NRXN3: variants seen among roughly 807,000 people sequenced by gnomAD.
NRXN3 encodes the protein neurexin III.
NRXN3 carries 32 observed loss-of-function variants against 137.6 expected under a neutral mutation model. That is an observed-to-expected ratio of 0.23 (90% CI 0.18 to 0.31). The LOEUF is 0.31. NRXN3 is among the 10% of genes least tolerant of loss of function. The pLI, the probability that NRXN3 is intolerant of heterozygous loss-of-function variation, is 1.00. For synonymous variants in NRXN3, 798 were observed against 784.5 expected (o/e 1.02, Z -0.29); for missense variants, 1,574 against 2,062.5 (o/e 0.76, Z 4.59).
intron 15 of NRXN3, among the ~76,000 whole-genome samples, chr14:79,076,738 G>A (rs2046042665): frequency 6.6e-6 from 1 of 152,222 alleles, no homozygotes; most frequent in Admixed American, 6.5e-5. Context: ...CCAGGAGGCT[G>A]AGACAGTTGG....
chr14:78,634,180 C>T (rs906580028), intron 4 of NRXN3, among the ~76,000 whole-genome samples: 1 of 152,206 alleles, frequency 6.6e-6, no homozygotes, highest in South Asian at 2.1e-4. Context: ...CTTCCATATC[C>T]CTCAGCTTCC....
intron 15 of NRXN3, among the ~76,000 whole-genome samples, chr14:79,073,466 T>C (rs1312782978): frequency 1.3e-5 from 2 of 152,158 alleles, no homozygotes; most frequent in Non-Finnish European, 2.9e-5. Context: ...AATTACAGAT[T>C]AAATCAGCAT....
rs557844370 is a variant in NRXN3, at chr14:79,740,672, A to T, written c.4014+42735A>T. Among the ~76,000 whole-genome samples, 23 of 131,302 alleles carry T rather than the reference A, an allele frequency of 1.8e-4. No homozygotes were observed. The East Asian group carries it at 3.9e-3, about 22-fold the overall frequency. 86.1% of individuals were successfully genotyped at this position (131,302 alleles called of 152,430 possible). On this transcript the variant is annotated intron_variant, in intron 19 of 20. Transcript: ENST00000335750. ...TTTCTATCCTCTGCTAATGACACTT[A>T]TTAACTACTGCCTTTCCACTGGACT...
At chr14:78,430,863 C>T (rs892466452) in intron 4 of NRXN3, among the ~76,000 whole-genome samples, 6 of 152,184 alleles carry the variant, frequency 3.9e-5, no homozygotes, top group Middle Eastern at 3.4e-3. Context: ...TTTGGGGAGT[C>T]GATTTTATTT....
intron 19 of NRXN3, among the ~76,000 whole-genome samples, chr14:79,791,667 G>A (rs2099145871): frequency 6.6e-6 from 1 of 151,610 alleles, no homozygotes; most frequent in Non-Finnish European, 1.5e-5. Context: ...CACCTTATGG[G>A]CACAAGCTGA....
chr14:79,217,916 A>T (rs928564511), intron 15 of NRXN3, among the ~76,000 whole-genome samples: 2 of 152,200 alleles, frequency 1.3e-5, no homozygotes, highest in Non-Finnish European at 2.9e-5. Context: ...TATCAATAAG[A>T]TCTAAATTCT....
chr14:79,418,296 T>G (rs2095526682), intron 15 of NRXN3, among the ~76,000 whole-genome samples: 1 of 152,168 alleles, frequency 6.6e-6, no homozygotes, highest in African/African-American at 2.4e-5. Flanking sequence ...TTATATTCTT[T>G]AAGTGTATTT....
chr14:79,355,236 C>G (rs1331621929), intron 15 of NRXN3, among the ~76,000 whole-genome samples: 4 of 151,234 alleles, frequency 2.6e-5, no homozygotes, highest in African/African-American at 7.4e-5. Flanking sequence ...TCCTCCTATT[C>G]CTGGGCTTTT....
chr14:79,003,116 C>T (rs1166059488), intron 15 of NRXN3, among the ~76,000 whole-genome samples: 1 of 152,076 alleles, frequency 6.6e-6, no homozygotes, highest in Non-Finnish European at 1.5e-5. Context: ...GTAGCTTGAA[C>T]TACAGGAACC....
At chr14:78,966,434 T>C in intron 12 of NRXN3, 28 bp downstream of exon 12, 1 of 1,592,648 alleles carries the variant, frequency 6.3e-7, no homozygotes, top group Non-Finnish European at 8.6e-7. Context: ...CGACTTATGT[T>C]GGACACCTTT....
At chr14:79,686,662 C>A (rs1255335005) in intron 17 of NRXN3, among the ~76,000 whole-genome samples, 3 of 152,150 alleles carry the variant, frequency 2.0e-5, no homozygotes, top group Non-Finnish European at 4.4e-5. Context: ...CCCAAGTTCA[C>A]AGAACTGATA....
At chr14:79,402,100 A>AT (rs947964956) in intron 15 of NRXN3, among the ~76,000 whole-genome samples, 22 of 150,734 alleles carry the variant, frequency 1.5e-4, no homozygotes, top group African/African-American at 2.7e-4. Flanking sequence ...TTTTTATTTT[A>AT]TTTTTTTTTA....
chr14:79,392,451 A>T (rs1172338869), intron 15 of NRXN3, among the ~76,000 whole-genome samples: 2 of 152,200 alleles, frequency 1.3e-5, no homozygotes, highest in South Asian at 4.1e-4. Context: ...TGCAATAAAC[A>T]TACATGTGCT....
chr14:79,363,001 G>A (rs1168955378), intron 15 of NRXN3, among the ~76,000 whole-genome samples: 3 of 134,480 alleles, frequency 2.2e-5, no homozygotes, highest in Non-Finnish European at 4.7e-5. Context: ...ATTTAGAATT[G>A]GAATTTTTTT....
chr14:79,812,804 A>G (rs1338647051), intron 20 of NRXN3, among the ~76,000 whole-genome samples: 1 of 152,158 alleles, frequency 6.6e-6, no homozygotes, highest in Non-Finnish European at 1.5e-5. Context: ...TTTCAATCTG[A>G]ACTCATGAGA....
At chr14:78,457,043 C>T (rs1362240266) in intron 4 of NRXN3, among the ~76,000 whole-genome samples, 1 of 138,730 alleles carries the variant, frequency 7.2e-6, no homozygotes, top group African/African-American at 2.6e-5. Context: ...CATCCCCTCT[C>T]CCCCGCCACC....
At chr14:79,344,427 G>C (rs2092766480) in intron 15 of NRXN3, among the ~76,000 whole-genome samples, 1 of 152,154 alleles carries the variant, frequency 6.6e-6, no homozygotes, top group East Asian at 1.9e-4. Flanking sequence ...ATTTGAGTCT[G>C]TTGTCACATA....
chr14:79,072,943 TG>T (rs1159347734), intron 15 of NRXN3, among the ~76,000 whole-genome samples: 1 of 150,364 alleles, frequency 6.7e-6, no homozygotes, highest in East Asian at 2.0e-4. Flanking sequence ...TGGAGTGCAG[TG>T]GTGCAATCTC....
At position 78,976,695 on chromosome 14, in the gene NRXN3, G is replaced by C. The variant is rs12886900; in HGVS notation, c.3142+8349G>C. 1.3e-3 allele frequency among the ~76,000 whole-genome samples: 199 copies of C among 152,184 alleles called. 1 individual carries two copies. Among genetic ancestry groups the C allele is most frequent in the African/African-American group, 4.6e-3 (190 of 41,522 alleles). The stretch of plus-strand genomic sequence containing the variant: ...GAAAATAATAAGAGAGACATAAATT[G>C]CAGTGAACTTCCCATTATTGTTCTT... On this transcript the variant is annotated intron_variant, in intron 14 of 20. Transcript: ENST00000335750.
Sources: allele counts gnomAD v4.1 joint callset (sites outside exome capture counted in the v4.1 genomes callset), GRCh38; gene constraint gnomAD v4.1.1; transcripts MANE v1.5; gene names NCBI Gene and HGNC (gene_info 2026-07-23, HGNC 2026-07-21).